Variants in USH2A observed in about 807,000 individuals in gnomAD.
The protein encoded by USH2A is usherin.
USH2A carries 443 observed loss-of-function variants against 538.9 expected under a neutral mutation model. That is an observed-to-expected ratio of 0.82 (90% confidence interval 0.76 to 0.89). The LOEUF (loss-of-function observed/expected upper bound fraction) is 0.89, where lower values mean the gene tolerates loss of function less well. Ranked by LOEUF, USH2A falls within the 40% of genes least tolerant of loss-of-function variation. The pLI is 0.00. For synonymous variants in USH2A, 2,413 were observed against 2,273.5 expected (o/e 1.06, Z -1.75); for missense variants, 6,633 against 6,324.8 (o/e 1.05, Z -1.65).
At chr1:216,230,937 T>C (rs113652376) in intron 14 of USH2A, among the ~76,000 whole-genome samples, 4 of 151,354 alleles carry the variant, frequency 2.6e-5, no homozygotes, top group African/African-American at 9.7e-5. Context: ...ATTGGCATTA[T>C]AGCACATCTT....
chr1:215,790,343 G>T, intron 50 of USH2A, 61 bp from the exon 51 acceptor site: 1 of 1,579,168 alleles, frequency 6.3e-7, no homozygotes, highest in Non-Finnish European at 8.7e-7. Context: ...AACTGAGGCT[G>T]CTATAAAGTT....
chr1:216,269,780 A>G (rs574016074), intron 11 of USH2A, among the ~76,000 whole-genome samples: 3 of 152,282 alleles, frequency 2.0e-5, no homozygotes, highest in Admixed American at 6.5e-5. Flanking sequence ...ACCATGCAGC[A>G]AAAGTCTGCT....
At chr1:215,836,661 A>G (rs1663541437) in intron 47 of USH2A, among the ~76,000 whole-genome samples, 1 of 136,312 alleles carries the variant, frequency 7.3e-6, no homozygotes, top group Non-Finnish European at 1.6e-5. Context: ...GGTTCACGCC[A>G]TGCTCCTGCC....
At chr1:216,219,953 G>A (rs1213267970) in intron 14 of USH2A, among the ~76,000 whole-genome samples, 1 of 152,056 alleles carries the variant, frequency 6.6e-6, no homozygotes, top group Admixed American at 6.6e-5. Flanking sequence ...GTATTTGCTG[G>A]TTACAATGGG....
At chr1:216,397,066 C>T (rs2102754919) in intron 3 of USH2A, among the ~76,000 whole-genome samples, 1 of 152,246 alleles carries the variant, frequency 6.6e-6, no homozygotes, top group Middle Eastern at 3.4e-3. Flanking sequence ...AGAAGAATGG[C>T]TCTCCACCAG....
chr1:215,985,778 G>A (rs1364971354), intron 35 of USH2A, among the ~76,000 whole-genome samples: 1 of 152,116 alleles, frequency 6.6e-6, no homozygotes, highest in Admixed American at 6.5e-5. Flanking sequence ...TGTATAGAGT[G>A]TGTATAAGAG....
At chr1:215,904,328 T>A (rs1665578231) in intron 38 of USH2A, among the ~76,000 whole-genome samples, 1 of 152,110 alleles carries the variant, frequency 6.6e-6, no homozygotes, top group African/African-American at 2.4e-5. Flanking sequence ...ATGTCACGAA[T>A]TCTCTTCTGA....
chr1:215,762,423 A>C (rs2102744578), intron 56 of USH2A, among the ~76,000 whole-genome samples: 1 of 152,296 alleles, frequency 6.6e-6, no homozygotes, highest in South Asian at 2.1e-4. Flanking sequence ...AAATAAAATG[A>C]AACATAATTT....
intron 32 of USH2A, among the ~76,000 whole-genome samples, chr1:216,040,388 T>A (rs1349097100): frequency 1.3e-5 from 2 of 152,026 alleles, no homozygotes; most frequent in Non-Finnish European, 2.9e-5. Context: ...CCAAAAGCAA[T>A]TCAGGTAGTA....
chr1:215,692,185 A>G lies in USH2A; in HGVS notation c.12067-11809T>C, dbSNP rs139561875. On this transcript the variant is annotated intron_variant, in intron 61 of 71. Transcript: ENST00000307340. ...AAATCGTCTTGATATGAGCCTTTTA[A>G]TGGAGTGATAAGGACAGAAACCTGG... 1.8e-4 allele frequency among the ~76,000 whole-genome samples: 28 copies of G among 152,254 alleles called. No homozygotes were observed. In the East Asian group the frequency reaches 4.4e-3, roughly 24 times the overall value.
chr1:216,070,179 C>T lies in USH2A; in HGVS notation c.5971G>A (p.Ala1991Thr), dbSNP rs980088312. The change falls in exon 30 of 72, where the codon GCC (alanine) becomes ACC (threonine). Residue 1991 changes from alanine to threonine, a missense_variant. Transcript: ENST00000307340. The stretch of plus-strand genomic sequence containing the variant: ...GGACGGGTGCTGTCCTCACTATAGG[C>T]TTTCAGAATGTACTTCTCAATTACA... ...RGVIEKYILK[A>T]YSEDSTRPPR... 3 of 1,613,908 alleles carry T rather than the reference C, an allele frequency of 1.9e-6. No individual in the cohort carries two copies. Among genetic ancestry groups the T allele is most frequent in the African/African-American group, 2.7e-5 (2 of 74,898 alleles).
intron 20 of USH2A, among the ~76,000 whole-genome samples, chr1:216,188,374 T>C (rs1321377358): frequency 1.3e-5 from 2 of 151,782 alleles, no homozygotes; most frequent in East Asian, 1.9e-4. Flanking sequence ...TGCTTATATC[T>C]ATGAAAAGGC....
chr1:215,778,968 C>T (rs1661541982), intron 55 of USH2A, among the ~76,000 whole-genome samples: 1 of 152,224 alleles, frequency 6.6e-6, no homozygotes, highest in East Asian at 1.9e-4. Context: ...AAGTTCCCTT[C>T]TTCCCCAAAC....
chr1:216,246,076 T>G (rs542266552), intron 13 of USH2A, among the ~76,000 whole-genome samples: 19 of 152,210 alleles, frequency 1.2e-4, no homozygotes, highest in Non-Finnish European at 2.8e-4. Flanking sequence ...TATAATGAGA[T>G]TAAACAGTGG....
In USH2A at chr1:215,934,771, T is replaced by C. The variant is rs753044705; in HGVS notation, c.7145A>G (p.Asn2382Ser). ...DPVGNNYTLL[N>S]VTKVMYSGEE... ...TCCGCTGTACATGACTTTTGTGACA[T>C]TCAGAAGGGTGTAGTTATTACCTAC... The change falls in exon 38 of 72, where the codon AAT (asparagine) becomes AGT (serine). Residue 2382 changes from asparagine to serine, a missense_variant. Transcript: ENST00000307340. 6.2e-7 allele frequency: 1 copy of C among 1,612,482 alleles called. No individual in the cohort carries two copies. Among genetic ancestry groups the C allele is most frequent in the South Asian group, 1.1e-5 (1 of 91,028 alleles).
rs1192792747 is a variant in USH2A at position 216,409,994 on chromosome 1, T to A, written c.651+8520A>T. Among the ~76,000 whole-genome samples the A allele has an allele frequency of 3.3e-5, 5 of 151,982 alleles. No individual in the cohort carries two copies. The East Asian group carries it at 9.6e-4, about 29-fold the overall frequency. On this transcript the variant is annotated intron_variant, in intron 3 of 71. Transcript: ENST00000307340. The stretch of plus-strand genomic sequence containing the variant: ...GCAAAGGTCTGATAGCTGGCCTCTA[T>A]AACAAACTTCAACAAATCTACAAGA...
chr1:215,820,925 C>CT (rs113597900), intron 47 of USH2A, among the ~76,000 whole-genome samples: 8,365 of 151,720 alleles, frequency 0.055, 290 homozygotes, highest in East Asian at 0.15. Flanking sequence ...GGAGTTAAGT[C>CT]TTTTTTATGG....
chr1:215,908,320 G>T (rs1383412836), intron 38 of USH2A, among the ~76,000 whole-genome samples: 1 of 151,856 alleles, frequency 6.6e-6, no homozygotes, highest in Non-Finnish European at 1.5e-5. Flanking sequence ...GAGCAGATAT[G>T]CTTTTTATTT....
chr1:216,351,801 A>T (rs140845632), intron 4 of USH2A, among the ~76,000 whole-genome samples: 5 of 152,102 alleles, frequency 3.3e-5, no homozygotes, highest in African/African-American at 1.2e-4. Context: ...CAAAATCTGG[A>T]TATATTTTGA....
Sources: gnomAD v4.1 joint callset for allele counts (sites outside exome capture counted in the v4.1 genomes callset) on GRCh38, gnomAD v4.1.1 for gene constraint, MANE v1.5 for transcripts, NCBI Gene and HGNC (gene_info 2026-07-23, HGNC 2026-07-21) for gene names.